NAB1: variants seen among roughly 807,000 people sequenced by gnomAD.
The protein encoded by NAB1 is NGFI-A binding protein 1.
NAB1 carries 25 observed loss-of-function variants against 49.9 expected under a neutral mutation model. The observed-to-expected ratio is 0.50, with a 90% CI of 0.37 to 0.70. The LOEUF (loss-of-function observed/expected upper bound fraction) is 0.70. Among genes scored for constraint, NAB1 ranks in the 30% least tolerant of loss-of-function variants. The pLI is 0.00. For missense variants in NAB1, 489 were observed against 575.9 expected (o/e 0.85, Z 1.54); for synonymous variants, 198 against 215.6 (o/e 0.92, Z 0.71).
rs1695139965 is a variant in NAB1 at position 190,677,680 on chromosome 2, G to C, written c.1005+4528G>C. Among the ~76,000 whole-genome samples the C allele has an allele frequency of 6.6e-6, 1 of 152,112 alleles. No individual in the cohort carries two copies. The highest frequency in any genetic ancestry group is 1.5e-5 in the Non-Finnish European group (1 of 68,014). On this transcript the variant is annotated intron_variant, in intron 6 of 9. Coordinates refer to ENST00000337386, the MANE Select transcript of NAB1 (RefSeq NM_005966.4). This position sits in a 1 kb window ranked among gnomAD's most constrained non-coding sequence, Gnocchi z 5.6. ...GGAATTCATTATCACAAACATTCTT[G>C]TCTAACCTATGTGGAGGCTTTATGA...
At chr2:190,662,968 A>T (rs1694302452) in intron 4 of NAB1, among the ~76,000 whole-genome samples, 2 of 152,208 alleles carry the variant, frequency 1.3e-5, no homozygotes, top group African/African-American at 4.8e-5. Context: ...TATAGTGCTG[A>T]GAAGTCAAGG....
intron 6 of NAB1, among the ~76,000 whole-genome samples, chr2:190,683,054 G>A (rs1695425462): frequency 6.6e-6 from 1 of 152,028 alleles, no homozygotes; most frequent in Admixed American, 6.6e-5. Context: ...CGAGGATAGT[G>A]GCTAATCAAA....
chr2:190,650,012 A>G (rs1693577494), intron 2 of NAB1, 30 bp downstream of exon 2: 1 of 152,208 alleles, frequency 6.6e-6, no homozygotes, highest in African/African-American at 2.4e-5. Context: ...TCATGGAGAA[A>G]CACTGAAAAT....
intron 5 of NAB1, among the ~76,000 whole-genome samples, chr2:190,671,452 A>G (rs1694800033): frequency 6.6e-6 from 1 of 152,234 alleles, no homozygotes; most frequent in Admixed American, 6.5e-5. Flanking sequence ...TGAACAGGGT[A>G]AGAATATACA....
rs1005968237 is a variant in NAB1 at position 190,652,584 on chromosome 2, T to C, written c.-197+2602T>C. Among the ~76,000 whole-genome samples, 6 of 152,352 alleles carry C rather than the reference T, an allele frequency of 3.9e-5. No homozygotes were observed. Among genetic ancestry groups the C allele is most frequent in the African/African-American group, 1.4e-4 (6 of 41,578 alleles). On this transcript the variant is annotated intron_variant, in intron 2 of 9. Transcript: ENST00000337386. This position sits in a 1 kb window ranked among gnomAD's most constrained non-coding sequence, Gnocchi z 4.2. ...TTTTTTTCCAGCTTCATTCATTCCA[T>C]TCAGAATTTAGAAACGAATCAATAA...
rs1379210268 is a variant in NAB1 at position 190,685,866 on chromosome 2, A to T, written c.1258+228A>T. ...TAAGCAGTTGGCACCTGAGATTGAC[A>T]TGTATTATTTTGTAGGGGTTGGTGG... On this transcript the variant is annotated intron_variant, in intron 8 of 9. Coordinates refer to ENST00000337386, the MANE Select transcript of NAB1 (RefSeq NM_005966.4). This position sits in a 1 kb window ranked among gnomAD's most constrained non-coding sequence, Gnocchi z 4.5. 6.6e-6 allele frequency among the ~76,000 whole-genome samples: 1 copy of T among 152,166 alleles called. No individual in the cohort carries two copies. Among genetic ancestry groups the T allele is most frequent in the Non-Finnish European group, 1.5e-5 (1 of 68,022 alleles).
intron 6 of NAB1, among the ~76,000 whole-genome samples, chr2:190,681,630 A>T (rs1251064882): frequency 6.6e-6 from 1 of 152,236 alleles, no homozygotes; most frequent in East Asian, 1.9e-4. Flanking sequence ...CCCATGATAA[A>T]GCTACATAGG....
chr2:190,651,620 G>GA lies in NAB1; in HGVS notation c.-197+1639dup, dbSNP rs1417044400. The stretch of plus-strand genomic sequence containing the variant: ...TGGCCTCAAACTCCTGGGGCCAAGG[G>GA]ATTATCCCACCTTAGCCTCCGAAGT... On this transcript the variant is annotated intron_variant, in intron 2 of 9. Transcript: ENST00000337386. This position sits in a 1 kb window ranked among gnomAD's most constrained non-coding sequence, Gnocchi z 4.3. Among the ~76,000 whole-genome samples the GA allele has an allele frequency of 6.6e-6, 1 of 152,136 alleles. No individual in the cohort carries two copies. Among genetic ancestry groups the GA allele is most frequent in the Non-Finnish European group, 1.5e-5 (1 of 68,016 alleles).
In NAB1 at chr2:190,686,790, G is replaced by T. The variant is rs554571928; in HGVS notation, c.1259-411G>T. ...CTGTTTTTTCACGGATTTTGCTGTA[G>T]TTTTTTTTTTTTAATCTTTAATTGG... is the stretch of plus-strand genomic sequence containing the variant. On this transcript the variant is annotated intron_variant, in intron 8 of 9. Transcript: ENST00000337386. This position sits in a 1 kb window ranked among gnomAD's most constrained non-coding sequence, Gnocchi z 5.5. 7.1e-4 allele frequency among the ~76,000 whole-genome samples: 103 copies of T among 145,106 alleles called. No homozygotes were observed. Among genetic ancestry groups the T allele is most frequent in the African/African-American group, 2.5e-3 (99 of 39,870 alleles).
In NAB1 at chr2:190,687,318, G is replaced by A. The variant is rs1364780375; in HGVS notation, c.1375+1G>A. Reference sequence around the variant, plus strand: ...AGTGAGGCAAAGTCCCACTCATCAGGTGAGAACGTGCTATATGATGAGAGG... The same window carrying A: ...AGTGAGGCAAAGTCCCACTCATCAGATGAGAACGTGCTATATGATGAGAGG... On this transcript the variant is annotated splice_donor_variant, in intron 9 of 9. Transcript: ENST00000337386. LOFTEE classifies it high-confidence loss of function. 5 of 1,532,188 alleles carry A rather than the reference G, an allele frequency of 3.3e-6. No homozygotes were observed. Among genetic ancestry groups the A allele is most frequent in the African/African-American group, 1.4e-5 (1 of 70,526 alleles). The allele number at this position is 1,532,188 out of a possible 1,614,324, so 94.9% of individuals were successfully genotyped here.
intron 4 of NAB1, among the ~76,000 whole-genome samples, chr2:190,661,414 A>C (rs547903870): frequency 6.6e-6 from 1 of 152,338 alleles, no homozygotes; most frequent in African/African-American, 2.4e-5. Context: ...AACAAAAGGC[A>C]AAATGTGTTG....
At position 190,687,181 on chromosome 2, in the gene NAB1, T is replaced by G; in HGVS notation, c.1259-20T>G. On this transcript the variant is annotated intron_variant, in intron 8 of 9. Transcript: ENST00000337386. Reference sequence around the variant, plus strand: ...GGTATGTTTTTAATATTATGCATATTTCTTTTTTCTTTTCATTAGGAGAAA... The same window carrying G: ...GGTATGTTTTTAATATTATGCATATGTCTTTTTTCTTTTCATTAGGAGAAA... The G allele has an allele frequency of 6.8e-7, 1 of 1,479,128 alleles. No homozygotes were observed. The highest frequency in any genetic ancestry group is 9.1e-7 in the Non-Finnish European group (1 of 1,097,876). 91.6% of individuals were successfully genotyped at this position (1,479,128 alleles called of 1,614,324 possible).
rs1694958408 is a variant in NAB1 at position 190,674,152 on chromosome 2, G to A, written c.1005+1000G>A. 6.6e-6 allele frequency among the ~76,000 whole-genome samples: 1 copy of A among 151,998 alleles called. No homozygotes were observed. The highest frequency in any genetic ancestry group is 1.5e-5 in the Non-Finnish European group (1 of 67,988). On this transcript the variant is annotated intron_variant, in intron 6 of 9. Coordinates refer to ENST00000337386, the MANE Select transcript of NAB1 (RefSeq NM_005966.4). This position sits in a 1 kb window ranked among gnomAD's most constrained non-coding sequence, Gnocchi z 5.7. Reference sequence around the variant, plus strand: ...CCTTTCTTGCTTAACTCCTTTCAGTGGCTTTCTACTGTACCTGGAATAAAA... The same window carrying A: ...CCTTTCTTGCTTAACTCCTTTCAGTAGCTTTCTACTGTACCTGGAATAAAA...
intron 6 of NAB1, among the ~76,000 whole-genome samples, chr2:190,681,427 AG>A (rs1695337817): frequency 0.016 from 5 of 316 alleles, no homozygotes; most frequent in East Asian, 0.5. Context: ...CAGTCTAAAT[AG>A]AAAACTTATT....
At chr2:190,688,973 GGACTACAAGTGCCCGCCAC>G (rs1559257209) in intron 9 of NAB1, among the ~76,000 whole-genome samples, 1 of 151,964 alleles carries the variant, frequency 6.6e-6, no homozygotes, top group Non-Finnish European at 1.5e-5. Flanking sequence ...CGAGTAGCTA[GGACTACAAGTGCCCGCCAC>G]TGCACCTGGC....
At position 190,655,948 on chromosome 2, in the gene NAB1, C is replaced by A. The variant is rs1693898223; in HGVS notation, c.-196-29C>A. ...TTAATGCATTGTTTAATTCCTCTTC[C>A]CCTAACATCATTGGGATTCTTTTTA... On this transcript the variant is annotated intron_variant, in intron 2 of 9. Coordinates refer to ENST00000337386, the MANE Select transcript of NAB1 (RefSeq NM_005966.4). 3 of 152,228 alleles carry A rather than the reference C, an allele frequency of 2.0e-5. No homozygotes were observed. The South Asian group carries it at 6.2e-4, about 31-fold the overall frequency. 9.4% of individuals were successfully genotyped at this position (152,228 alleles called of 1,614,324 possible).
rs1327351164 is a variant in NAB1 at position 190,659,183 on chromosome 2, G to A, written c.7G>A (p.Ala3Thr). The change falls in exon 4 of 10, where the codon GCG becomes ACG. Residue 3 changes from alanine (A) to threonine (T), a missense_variant. Coordinates refer to ENST00000337386, the MANE Select transcript of NAB1 (RefSeq NM_005966.4). This position sits in a 1 kb window ranked among gnomAD's most constrained non-coding sequence, Gnocchi z 6.2. ...GTTAAACCCATCCAGAGTAATGGCTGCGGCCTTACCCAGGACCCTGGGGGA... is the reference window on the plus strand; with the variant it reads ...GTTAAACCCATCCAGAGTAATGGCTACGGCCTTACCCAGGACCCTGGGGGA... Reference protein sequence around the residue: MAAALPRTLGELQ... With the variant: MATALPRTLGELQ... The A allele has an allele frequency of 6.2e-7, 1 of 1,606,904 alleles. No homozygotes were observed. The highest frequency in any genetic ancestry group is 8.5e-7 in the Non-Finnish European group (1 of 1,176,462).
rs1693505902 is a variant in NAB1, at chr2:190,649,143, G to C, written c.-551G>C. On this transcript the variant is annotated 5_prime_UTR_variant, in exon 1 of 10. Transcript: ENST00000337386. This position sits in a 1 kb window ranked among gnomAD's most constrained non-coding sequence, Gnocchi z 6.1. Reference sequence around the variant, plus strand: ...CGCCGCCGCCGCCGCGGCCAAGCGAGCGCCGTCGGGGCGGGTGGGCGGGAA... The same window carrying C: ...CGCCGCCGCCGCCGCGGCCAAGCGACCGCCGTCGGGGCGGGTGGGCGGGAA... 1 of 141,496 alleles carries C rather than the reference G, an allele frequency of 7.1e-6. No individual in the cohort carries two copies. Among genetic ancestry groups the C allele is most frequent in the Admixed American group, 6.9e-5 (1 of 14,414 alleles). 8.8% of individuals were successfully genotyped at this position (141,496 alleles called of 1,614,324 possible). A position where few individuals can be genotyped will look rare whatever the true frequency, so the allele number is the denominator to read the frequency against.
intron 6 of NAB1, among the ~76,000 whole-genome samples, chr2:190,673,981 A>G (rs996343705): frequency 1.3e-5 from 2 of 152,174 alleles, no homozygotes; most frequent in Non-Finnish European, 2.9e-5. Flanking sequence ...TCTCTTAGCC[A>G]TCCTATTATT....
Sources: gnomAD v4.1 joint callset for allele counts (sites outside exome capture counted in the v4.1 genomes callset) on GRCh38, gnomAD v4.1.1 for gene constraint, Gnocchi (gnomAD v3.1) non-coding constraint, MANE v1.5 for transcripts, NCBI Gene and HGNC (gene_info 2026-07-23, HGNC 2026-07-21) for gene names.